SLC12A7: variants seen among roughly 807,000 people sequenced by gnomAD.
SLC12A7 encodes the protein solute carrier family 12 member 7.
Under a neutral mutation model 120.6 loss-of-function variants are expected in SLC12A7, and 100 were observed. That is an observed-to-expected ratio of 0.83 (90% confidence interval 0.71 to 0.98). The LOEUF (loss-of-function observed/expected upper bound fraction) is 0.98. Among genes scored for constraint, SLC12A7 ranks in the 50% least tolerant of loss-of-function variants. The pLI is 0.00. For missense variants in SLC12A7, 1,373 were observed against 1,548.1 expected (o/e 0.89, Z 1.90); for synonymous variants, 760 against 678.0 (o/e 1.12, Z -1.88).
chr5:1,058,492 C>T (rs1735858530), intron 21 of SLC12A7, among the ~76,000 whole-genome samples: 1 of 152,268 alleles, frequency 6.6e-6, no homozygotes, highest in Non-Finnish European at 1.5e-5. Context: ...GAGTTTGTGA[C>T]GCAGCCCGGG....
At chr5:1,063,253 C>G (rs13175056) in intron 20 of SLC12A7, among the ~76,000 whole-genome samples, 53,238 of 152,180 alleles carry the variant, frequency 0.35, 11,477 homozygotes, top group Non-Finnish European at 0.49. Flanking sequence ...GCCTCACTGA[C>G]CAGTGCCCCT....
chr5:1,075,084 G>A (rs1023544796), intron 15 of SLC12A7, among the ~76,000 whole-genome samples: 3 of 152,204 alleles, frequency 2.0e-5, no homozygotes, highest in African/African-American at 7.2e-5. Flanking sequence ...GAGACACGTA[G>A]CAGGAATAGT....
chr5:1,052,691 G>A (rs1735179292), intron 23 of SLC12A7, among the ~76,000 whole-genome samples: 1 of 152,172 alleles, frequency 6.6e-6, no homozygotes, highest in African/African-American at 2.4e-5. Context: ...GGGAGGACGA[G>A]CAGAGACAGC....
At chr5:1,089,822 C>T (rs1302845119) in intron 3 of SLC12A7, among the ~76,000 whole-genome samples, 3 of 152,222 alleles carry the variant, frequency 2.0e-5, no homozygotes, top group Non-Finnish European at 4.4e-5. Flanking sequence ...AGCAGGCCAG[C>T]GCCTGCCAGG....
At chr5:1,075,030 T>C (rs941274173) in intron 15 of SLC12A7, among the ~76,000 whole-genome samples, 4 of 152,164 alleles carry the variant, frequency 2.6e-5, no homozygotes, top group Non-Finnish European at 5.9e-5. Context: ...GAAGGACGCC[T>C]GTGGCTGCCG....
At chr5:1,074,519 A>C (rs372456474) in intron 16 of SLC12A7, 48 bp downstream of exon 16, 375 of 1,538,902 alleles carry the variant, frequency 2.4e-4, no homozygotes, top group Non-Finnish European at 3.1e-4. Flanking sequence ...GACCTCAGAA[A>C]CAGCTCTTCT....
chr5:1,054,663 G>A (rs1181668129), intron 22 of SLC12A7, among the ~76,000 whole-genome samples: 6 of 152,210 alleles, frequency 3.9e-5, no homozygotes, highest in African/African-American at 7.2e-5. Flanking sequence ...GAGGGGCGGC[G>A]GCGGACAGAC....
At chr5:1,081,948 T>C (rs1345632694) in intron 8 of SLC12A7, among the ~76,000 whole-genome samples, 1 of 152,242 alleles carries the variant, frequency 6.6e-6, no homozygotes, top group Non-Finnish European at 1.5e-5. Context: ...GGAGGGAAGG[T>C]CAGCACTAAA....
intron 17 of SLC12A7, among the ~76,000 whole-genome samples, chr5:1,068,884 C>T (rs1363190460): frequency 6.6e-5 from 10 of 152,264 alleles, no homozygotes; most frequent in South Asian, 4.1e-4. Flanking sequence ...CGCACAGACG[C>T]GCCCTCACAC....
intron 1 of SLC12A7, among the ~76,000 whole-genome samples, chr5:1,110,600 G>A (rs564743821): frequency 3.2e-4 from 49 of 152,336 alleles, no homozygotes; most frequent in African/African-American, 9.1e-4. Context: ...AGTGCGTTCC[G>A]GGGGCGTTGC....
In SLC12A7 at chr5:1,083,737, A is replaced by C. The variant is rs2150855765; in HGVS notation, c.1129+8T>G. 6.2e-7 allele frequency: 1 copy of C among 1,611,398 alleles called. No individual in the cohort carries two copies. Among genetic ancestry groups the C allele is most frequent in the Non-Finnish European group, 8.5e-7 (1 of 1,179,494 alleles). ...CCCCAGCTCCAGCTGCAGCCCTGTG[A>C]GCCTCACCCAGGAAGACACCACTGG... On this transcript the variant is annotated splice_region_variant and intron_variant, in intron 8 of 23. Coordinates refer to ENST00000264930, the MANE Select transcript of SLC12A7 (RefSeq NM_006598.3).
the SLC12A7 span, among the ~76,000 whole-genome samples, chr5:1,145,876 C>G: frequency 6.6e-6 from 1 of 152,080 alleles, no homozygotes; most frequent in African/African-American, 2.4e-5. This position sits in a 1 kb window ranked among gnomAD's most constrained non-coding sequence, Gnocchi z 4.4. Flanking sequence ...ATACACATAA[C>G]ATTTTACCAT....
rs1442411398 is a variant in SLC12A7 at position 1,081,650 on chromosome 5, T to C, written c.1224A>G (p.Ala408=). The part of the protein sequence containing the change: ...VPVAEESRAS[A]LPYVLTDIAA... ...CGATGTCGGTGAGCACGTAGGGCAGTGCGCTGGCACGGCTCTCCTCTGCCA... is the reference window on the plus strand; with the variant it reads ...CGATGTCGGTGAGCACGTAGGGCAGCGCGCTGGCACGGCTCTCCTCTGCCA... Residue 408 remains alanine (A), a synonymous_variant, in exon 9 of 24, where the codon GCA becomes GCG. Coordinates refer to ENST00000264930, the MANE Select transcript of SLC12A7 (RefSeq NM_006598.3). 3 of 1,613,050 alleles carry C rather than the reference T, an allele frequency of 1.9e-6. No individual in the cohort carries two copies. The highest frequency in any genetic ancestry group is 2.5e-6 in the Non-Finnish European group (3 of 1,179,962).
chr5:1,142,564 GTCTC>G, the SLC12A7 span, among the ~76,000 whole-genome samples: 3 of 128,594 alleles, frequency 2.3e-5, no homozygotes, highest in South Asian at 5.7e-4. Flanking sequence ...CTCTCTCTCT[GTCTC>G]TCTTTCTGTC....
the SLC12A7 span, among the ~76,000 whole-genome samples, chr5:1,126,461 T>C: frequency 6.6e-6 from 1 of 152,242 alleles, no homozygotes; most frequent in Non-Finnish European, 1.5e-5. Context: ...AATTGTTTAG[T>C]TTTTTTCTTC....
intron 18 of SLC12A7, among the ~76,000 whole-genome samples, chr5:1,064,592 C>T (rs1736715478): frequency 6.6e-6 from 1 of 152,214 alleles, no homozygotes; most frequent in Non-Finnish European, 1.5e-5. Context: ...CCCATCGGGA[C>T]CTGACAGCGC....
the SLC12A7 span, among the ~76,000 whole-genome samples, chr5:1,126,335 C>T: frequency 1.3e-5 from 2 of 152,186 alleles, no homozygotes; most frequent in African/African-American, 2.4e-5. Flanking sequence ...GTAATCTGAT[C>T]GCCTCGGCCT....
In SLC12A7 at chr5:1,081,005, G is replaced by C. The variant is rs534775746; in HGVS notation, c.1297+572C>G. Among the ~76,000 whole-genome samples the C allele has an allele frequency of 7.2e-4, 46 of 63,768 alleles. No individual in the cohort carries two copies. In the East Asian group the frequency reaches 0.016, roughly 22 times the overall value. 41.8% of individuals were successfully genotyped at this position (63,768 alleles called of 152,430 possible). ...CACTACAGAGAGAGAGACAGAGAGAGAGACAGACAGACAGACAGAGAGAGA... is the reference window on the plus strand; with the variant it reads ...CACTACAGAGAGAGAGACAGAGAGACAGACAGACAGACAGACAGAGAGAGA... On this transcript the variant is annotated intron_variant, in intron 9 of 23. Coordinates refer to ENST00000264930, the MANE Select transcript of SLC12A7 (RefSeq NM_006598.3).
upstream of SLC12A7, among the ~76,000 whole-genome samples, chr5:1,115,965 C>A (rs905897798): frequency 3.3e-5 from 5 of 149,674 alleles, no homozygotes; most frequent in Non-Finnish European, 7.4e-5. Flanking sequence ...GTGAGCCTCT[C>A]CTGGCAGGGT....
Sources: gnomAD v4.1 joint callset for allele counts (sites outside exome capture counted in the v4.1 genomes callset) on GRCh38, gnomAD v4.1.1 for gene constraint, Gnocchi (gnomAD v3.1) non-coding constraint, MANE v1.5 for transcripts, NCBI Gene and HGNC (gene_info 2026-07-23, HGNC 2026-07-21) for gene names.